The following CSMD1 variants were observed in gnomAD, a reference collection of about 807,000 sequenced individuals.
The protein encoded by CSMD1 is CUB and Sushi multiple domains 1.
In CSMD1, 213 loss-of-function variants were observed where a neutral mutation model predicts 417.5. That is an observed-to-expected ratio of 0.51 (90% CI 0.46 to 0.57). CSMD1 has a LOEUF of 0.57. Ranked by LOEUF, CSMD1 falls within the 20% of genes least tolerant of loss-of-function variation. The probability of loss-of-function intolerance (pLI) is 0.00; values close to 1 mark genes in which losing one functional copy is unlikely to be tolerated. For missense variants in CSMD1, 6,923 were observed against 4,529.7 expected, an observed-to-expected ratio of 1.53 and a Z score of -15.17; for synonymous variants, 2,862 against 1,736.8, an observed-to-expected ratio of 1.65 and a Z score of -16.11.
intron 3 of CSMD1, among the ~76,000 whole-genome samples, chr8:4,048,706 G>A (rs73658546): frequency 1.3e-5 from 2 of 152,004 alleles, no homozygotes; most frequent in Non-Finnish European, 2.9e-5. Context: ...GACACATTTG[G>A]GTGCATTTAT....
chr8:3,622,606 G>T (rs1244718953), intron 7 of CSMD1, among the ~76,000 whole-genome samples: 2 of 152,200 alleles, frequency 1.3e-5, no homozygotes, highest in Non-Finnish European at 2.9e-5. Context: ...GGCGCAAAAT[G>T]ATTTAGACAA....
chr8:4,118,887 T>G (rs1802314838), intron 3 of CSMD1, among the ~76,000 whole-genome samples: 1 of 152,306 alleles, frequency 6.6e-6, no homozygotes, highest in East Asian at 1.9e-4. Flanking sequence ...GTGGCACATA[T>G]ACACCATGGA....
At chr8:4,440,738 A>G (rs1563175774) in intron 2 of CSMD1, among the ~76,000 whole-genome samples, 1 of 152,126 alleles carries the variant, frequency 6.6e-6, no homozygotes, top group African/African-American at 2.4e-5. Flanking sequence ...GTTCATGCCT[A>G]TAATCCCAGC....
intron 5 of CSMD1, among the ~76,000 whole-genome samples, chr8:3,926,026 CACACACACACACACACAAACACCATAT>C (rs1171319002): frequency 2.1e-4 from 26 of 125,318 alleles, no homozygotes; most frequent in African/African-American, 6.1e-4. Flanking sequence ...CACACACACA[CACACACACACACACACAAACACCATAT>C]ACACACACAC....
chr8:4,192,048 T>C (rs1268421278), intron 3 of CSMD1, among the ~76,000 whole-genome samples: 4 of 152,124 alleles, frequency 2.6e-5, no homozygotes, highest in African/African-American at 9.7e-5. Flanking sequence ...ACAAAAGTAT[T>C]TGTGTTTTCA....
intron 10 of CSMD1, among the ~76,000 whole-genome samples, chr8:3,537,180 T>A (rs561262962): frequency 6.6e-6 from 1 of 152,110 alleles, no homozygotes; most frequent in Non-Finnish European, 1.5e-5. Flanking sequence ...ATTTGTTGTA[T>A]TTTAAGAGAC....
intron 3 of CSMD1, among the ~76,000 whole-genome samples, chr8:4,045,188 C>A (rs74614073): frequency 3.9e-5 from 6 of 152,224 alleles, no homozygotes; most frequent in Admixed American, 2.0e-4. Context: ...TGCTGAGGTA[C>A]TCATCTCTGA....
chr8:3,688,337 C>T (rs1393169772), intron 7 of CSMD1, among the ~76,000 whole-genome samples: 3 of 152,078 alleles, frequency 2.0e-5, no homozygotes, highest in African/African-American at 7.2e-5. Flanking sequence ...TTACAAATGC[C>T]AGTAGAAAGT....
chr8:3,647,666 T>C (rs1797645757), intron 7 of CSMD1, among the ~76,000 whole-genome samples: 1 of 152,156 alleles, frequency 6.6e-6, no homozygotes, highest in South Asian at 2.1e-4. Flanking sequence ...TTTTGTGAAT[T>C]TGAAAGTTTT....
intron 7 of CSMD1, among the ~76,000 whole-genome samples, chr8:3,694,273 G>C (rs904219875): frequency 6.6e-6 from 1 of 152,056 alleles, no homozygotes; most frequent in Non-Finnish European, 1.5e-5. Context: ...GTCATGCTCA[G>C]GGGTCCACAC....
At chr8:3,499,764 C>T (rs1308471923) in intron 10 of CSMD1, among the ~76,000 whole-genome samples, 1 of 151,946 alleles carries the variant, frequency 6.6e-6, no homozygotes, top group Admixed American at 6.6e-5. Context: ...AGTCCTGCAT[C>T]CTTCTCCTTG....
chr8:3,938,870 A>C (rs1810682518), intron 5 of CSMD1, among the ~76,000 whole-genome samples: 1 of 152,144 alleles, frequency 6.6e-6, no homozygotes, highest in African/African-American at 2.4e-5. Context: ...AGGCAAGTGA[A>C]TCATTAAGTG....
intron 41 of CSMD1, among the ~76,000 whole-genome samples, chr8:3,123,435 A>T (rs1010923894): frequency 1.3e-5 from 2 of 152,222 alleles, no homozygotes; most frequent in Admixed American, 6.5e-5. Context: ...CACAAAAAAG[A>T]ATGAATAATT....
chr8:4,217,742 G>A (rs1227770783), intron 3 of CSMD1, among the ~76,000 whole-genome samples: 1 of 152,100 alleles, frequency 6.6e-6, no homozygotes, highest in Non-Finnish European at 1.5e-5. Flanking sequence ...ATACTCTACG[G>A]TGTTATAGGA....
chr8:4,548,675 C>T (rs564202148), intron 2 of CSMD1, among the ~76,000 whole-genome samples: 20 of 152,252 alleles, frequency 1.3e-4, no homozygotes, highest in African/African-American at 3.4e-4. Context: ...GTTTGATTTT[C>T]CATCTACCTG....
chr8:4,084,619 A>T (rs113568129), intron 3 of CSMD1, among the ~76,000 whole-genome samples: 8 of 152,292 alleles, frequency 5.3e-5, no homozygotes, highest in African/African-American at 1.9e-4. Flanking sequence ...CGAGCCTTCC[A>T]GAGTTTGCCA....
intron 2 of CSMD1, among the ~76,000 whole-genome samples, chr8:4,630,885 C>A (rs560938953): frequency 6.6e-6 from 1 of 152,198 alleles, no homozygotes; most frequent in Admixed American, 6.5e-5. Flanking sequence ...CTCCCTCACC[C>A]TGTGCTGGTC....
At chr8:4,401,344 A>G (rs1159784170) in intron 3 of CSMD1, among the ~76,000 whole-genome samples, 3 of 152,218 alleles carry the variant, frequency 2.0e-5, no homozygotes, top group African/African-American at 7.2e-5. Context: ...AATCAAACCC[A>G]CACGTATTGT....
rs563402040 is a variant in CSMD1 at position 3,694,886 on chromosome 8, C to T, written c.1009+13528G>A. Among the ~76,000 whole-genome samples, 24 of 152,116 alleles carry T rather than the reference C, an allele frequency of 1.6e-4. No individual in the cohort carries two copies. In the East Asian group the frequency reaches 4.7e-3, roughly 30 times the overall value. On this transcript the variant is annotated intron_variant, in intron 7 of 69. Coordinates refer to ENST00000635120, the MANE Select transcript of CSMD1 (RefSeq NM_033225.6). ...AAAGACCATAGAAACCTGCTGGATT[C>T]ATTCTGGGTGTGAGGGGAAATCGCA...
Sources: allele counts gnomAD v4.1 joint callset (sites outside exome capture counted in the v4.1 genomes callset), GRCh38; gene constraint gnomAD v4.1.1; transcripts MANE v1.5; gene names NCBI Gene and HGNC (gene_info 2026-07-23, HGNC 2026-07-21).